The following TNRC6A variants were observed in gnomAD, a reference collection of about 807,000 sequenced individuals.
TNRC6A encodes trinucleotide repeat-containing gene 6A protein.
TNRC6A carries 44 observed loss-of-function variants against 221.2 expected under a neutral mutation model. The ratio of observed to expected loss-of-function variants is 0.20; its 90% CI spans 0.16 to 0.26. TNRC6A has a LOEUF of 0.26. TNRC6A is among the 10% of genes least tolerant of loss of function. The probability of loss-of-function intolerance (pLI) is 1.00; values close to 1 mark genes in which losing one functional copy is unlikely to be tolerated. For synonymous variants in TNRC6A, 847 were observed against 838.5 expected (o/e 1.01, Z -0.18); for missense variants, 2,199 against 2,404.4 (o/e 0.91, Z 1.79).
rs777131184 is a variant in TNRC6A at position 24,791,036 on chromosome 16, A to G, written c.2394A>G (p.Ser798=). The G allele has an allele frequency of 2.5e-6, 4 of 1,592,800 alleles. No individual in the cohort carries two copies. The South Asian group carries it at 4.6e-5, about 18-fold the overall frequency. ...TGAGGTGGGGAGATTCCAAAGGCTC[A>G]AACTGCCAGGGGGGGTGGGAAGATG... ...PALRWGDSKG[S]NCQGGWEDDS... is the part of the protein sequence containing the mutation. The change falls in exon 6 of 25, where the codon TCA becomes TCG. Residue 798 remains serine, a synonymous_variant. Coordinates refer to ENST00000395799, the MANE Select transcript of TNRC6A (RefSeq NM_014494.4).
chr16:24,631,563 A>G (rs751147464), intron 1 of TNRC6A, among the ~76,000 whole-genome samples: 1 of 151,966 alleles, frequency 6.6e-6, no homozygotes, highest in Non-Finnish European at 1.5e-5. Context: ...CTTGAGGTTA[A>G]GAGTTCGAGA....
intron 3 of TNRC6A, among the ~76,000 whole-genome samples, chr16:24,755,258 T>C (rs938643706): frequency 2.0e-5 from 3 of 152,202 alleles, no homozygotes; most frequent in Non-Finnish European, 2.9e-5. Context: ...TTCTTAATGT[T>C]AGGTTGTAAT....
At chr16:24,743,829 G>A (rs1336220039) in intron 2 of TNRC6A, among the ~76,000 whole-genome samples, 2 of 152,020 alleles carry the variant, frequency 1.3e-5, no homozygotes, top group Non-Finnish European at 2.9e-5. Flanking sequence ...ATCTTTTCTT[G>A]GTAACTACAG....
intron 4 of TNRC6A, among the ~76,000 whole-genome samples, chr16:24,762,325 T>C (rs2057381285): frequency 6.6e-6 from 1 of 152,228 alleles, no homozygotes; most frequent in South Asian, 2.1e-4. Context: ...AAATATTCAC[T>C]ATCTATTAAG....
intron 2 of TNRC6A, among the ~76,000 whole-genome samples, chr16:24,742,011 A>T (rs1381365429): frequency 6.6e-6 from 1 of 151,948 alleles, no homozygotes; most frequent in Non-Finnish European, 1.5e-5. Context: ...TAATTTTTTA[A>T]TTTTTGTAGA....
chr16:24,758,432 C>A, intron 4 of TNRC6A, 72 bp downstream of exon 4: 2 of 1,480,310 alleles, frequency 1.4e-6, no homozygotes, highest in Non-Finnish European at 1.9e-6. Flanking sequence ...TTTTTGTTCA[C>A]CTCAAGGATG....
chr16:24,796,973 T>A (rs2058233234), intron 9 of TNRC6A, among the ~76,000 whole-genome samples: 1 of 151,564 alleles, frequency 6.6e-6, no homozygotes, highest in Non-Finnish European at 1.5e-5. Flanking sequence ...AGAGATGTTG[T>A]GTTCTTGGCA....
At chr16:24,750,686 A>C (rs557827836) in intron 2 of TNRC6A, 40 bp from the exon 3 acceptor site, 2 of 1,490,748 alleles carry the variant, frequency 1.3e-6, no homozygotes. Context: ...TTTATTTCTT[A>C]ATACATTTTG....
intron 21 of TNRC6A, 83 bp downstream of exon 21, chr16:24,818,783 C>T: frequency 9.9e-7 from 1 of 1,007,516 alleles, no homozygotes; most frequent in African/African-American, 1.6e-5. Context: ...TTCTTTCGTC[C>T]AGTCTTCTCA....
intron 20 of TNRC6A, among the ~76,000 whole-genome samples, chr16:24,817,410 GTTATA>G (rs1317464412): frequency 2.0e-5 from 3 of 152,252 alleles, no homozygotes; most frequent in Non-Finnish European, 4.4e-5. Flanking sequence ...TGTAAAAGAC[GTTATA>G]TTATTATATA....
intron 2 of TNRC6A, among the ~76,000 whole-genome samples, chr16:24,665,505 G>A (rs1431241009): frequency 6.6e-6 from 1 of 152,184 alleles, no homozygotes; most frequent in East Asian, 1.9e-4. Flanking sequence ...AAGACCCACT[G>A]CTCCAAGGTG....
At chr16:24,703,249 C>T (rs569168083) in intron 2 of TNRC6A, among the ~76,000 whole-genome samples, 5 of 152,224 alleles carry the variant, frequency 3.3e-5, no homozygotes, top group South Asian at 2.1e-4. Flanking sequence ...CTTCCTCTCT[C>T]TATGGATTTA....
chr16:24,672,528 A>G (rs1024049135), intron 2 of TNRC6A, among the ~76,000 whole-genome samples: 4 of 151,766 alleles, frequency 2.6e-5, no homozygotes, highest in African/African-American at 4.8e-5. Flanking sequence ...TGCAACCTCA[A>G]CCTCCTGGGC....
At chr16:24,621,277 G>GTGCA (rs1900659884) in intron 1 of TNRC6A, among the ~76,000 whole-genome samples, 1 of 151,146 alleles carries the variant, frequency 6.6e-6, no homozygotes, top group African/African-American at 2.4e-5. Context: ...TGGTTCAAGG[G>GTGCA]TGCAGATGGT....
At chr16:24,724,960 T>C (rs1055733375), upstream of TNRC6A, among the ~76,000 whole-genome samples, 1 of 152,126 alleles carries the variant, frequency 6.6e-6, no homozygotes, top group African/African-American at 2.4e-5. Flanking sequence ...ATTAGGCTCA[T>C]CATTTGCCCT....
intron 5 of TNRC6A, among the ~76,000 whole-genome samples, chr16:24,781,683 C>T (rs772379807): frequency 6.6e-6 from 1 of 152,170 alleles, no homozygotes; most frequent in Non-Finnish European, 1.5e-5. Flanking sequence ...CGTACCACTT[C>T]CTCCTCCTGC....
At chr16:24,637,178 G>A (rs1901678803) in intron 1 of TNRC6A, among the ~76,000 whole-genome samples, 1 of 152,124 alleles carries the variant, frequency 6.6e-6, no homozygotes, top group Non-Finnish European at 1.5e-5. Context: ...GACTTCAGGT[G>A]CATACCACCA....
At chr16:24,710,963 C>T (rs979750515) in intron 2 of TNRC6A, among the ~76,000 whole-genome samples, 1 of 152,018 alleles carries the variant, frequency 6.6e-6, no homozygotes, top group African/African-American at 2.4e-5. Flanking sequence ...GCAACCTCCA[C>T]CTCCCGGGTT....
intron 1 of TNRC6A, among the ~76,000 whole-genome samples, chr16:24,613,333 C>A (rs936262594): frequency 6.6e-6 from 1 of 151,738 alleles, no homozygotes; most frequent in Non-Finnish European, 1.5e-5. Flanking sequence ...AAACACATTG[C>A]ATGTTTCAGA....
Sources: gnomAD v4.1 joint callset for allele counts (sites outside exome capture counted in the v4.1 genomes callset) on GRCh38, gnomAD v4.1.1 for gene constraint, MANE v1.5 for transcripts, NCBI Gene and HGNC (gene_info 2026-07-23, HGNC 2026-07-21) for gene names.